WWOX: variants seen among roughly 807,000 people sequenced by gnomAD.
WWOX encodes WW domain-containing oxidoreductase.
Under a neutral mutation model 46.2 loss-of-function variants are expected in WWOX, and 69 were observed. The observed-to-expected ratio is 1.49, with a 90% CI of 1.23 to 1.82. The LOEUF is 1.82. Among genes scored for constraint, WWOX ranks in the 40% most tolerant of loss-of-function variants. The probability of loss-of-function intolerance (pLI) is 0.00; values close to 1 mark genes in which losing one functional copy is unlikely to be tolerated. For synonymous variants in WWOX, 359 were observed against 202.6 expected (o/e 1.77, Z -6.56); for missense variants, 919 against 542.6 (o/e 1.69, Z -6.89).
chr16:79,187,919 CA>C lies in WWOX; in HGVS notation c.1057-23688del, dbSNP rs774037597. ...TTCTGAGCTGTGAGTCCTTCCTGTG[CA>C]CCAGGCATGGATGGCAAGGCACGAT... On this transcript the variant is annotated intron_variant, in intron 8 of 8. Transcript: ENST00000566780. Among the ~76,000 whole-genome samples the C allele has an allele frequency of 5.1e-4, 77 of 152,326 alleles. No homozygotes were observed. The Middle Eastern group carries it at 0.014, about 27-fold the overall frequency.
intron 8 of WWOX, among the ~76,000 whole-genome samples, chr16:78,442,888 C>T (rs920849752): frequency 4.0e-5 from 6 of 151,798 alleles, no homozygotes; most frequent in African/African-American, 1.5e-4. Flanking sequence ...TTTGGGAGGC[C>T]GAGCCGGGCG....
intron 8 of WWOX, among the ~76,000 whole-genome samples, chr16:78,522,464 C>A (rs187729144): frequency 2.6e-5 from 4 of 152,302 alleles, no homozygotes; most frequent in Non-Finnish European, 5.9e-5. Flanking sequence ...GCTCTGCCTG[C>A]AGTCTCTTCC....
intron 8 of WWOX, among the ~76,000 whole-genome samples, chr16:78,628,267 G>C (rs1018900031): frequency 1.3e-5 from 2 of 152,200 alleles, no homozygotes; most frequent in Non-Finnish European, 2.9e-5. Flanking sequence ...GTCACATTGA[G>C]TGGTGCTAAT....
At chr16:78,389,956 G>C (rs1451798409) in intron 6 of WWOX, among the ~76,000 whole-genome samples, 1 of 152,068 alleles carries the variant, frequency 6.6e-6, no homozygotes, top group East Asian at 1.9e-4. Flanking sequence ...CACCATGTTG[G>C]CCAGGCTAGT....
At chr16:78,840,142 G>T (rs2052098894) in intron 8 of WWOX, among the ~76,000 whole-genome samples, 1 of 152,192 alleles carries the variant, frequency 6.6e-6, no homozygotes, top group Admixed American at 6.5e-5. Flanking sequence ...GGGAGAAACT[G>T]TTTGTGGACA....
At chr16:79,106,332 T>C (rs1447545641) in intron 8 of WWOX, among the ~76,000 whole-genome samples, 1 of 152,210 alleles carries the variant, frequency 6.6e-6, no homozygotes, top group Non-Finnish European at 1.5e-5. Flanking sequence ...CTCACTCAGT[T>C]CAGGTGAAAG....
At chr16:78,813,797 C>T (rs948316575) in intron 8 of WWOX, among the ~76,000 whole-genome samples, 1 of 152,182 alleles carries the variant, frequency 6.6e-6, no homozygotes, top group African/African-American at 2.4e-5. Context: ...ACAGATTCAG[C>T]TCATTTTATT....
chr16:79,131,060 C>CT (rs1434093758), intron 8 of WWOX, among the ~76,000 whole-genome samples: 3 of 152,156 alleles, frequency 2.0e-5, no homozygotes, highest in African/African-American at 7.2e-5. Flanking sequence ...GCAGGCTTCT[C>CT]TTTTTTTGTT....
intron 8 of WWOX, among the ~76,000 whole-genome samples, chr16:79,168,619 T>G (rs2050640615): frequency 1.3e-5 from 2 of 151,814 alleles, no homozygotes; most frequent in African/African-American, 2.4e-5. Flanking sequence ...AAGAGAGTGA[T>G]AATTATGCCA....
intron 5 of WWOX, among the ~76,000 whole-genome samples, chr16:78,356,071 T>TAAAAAAAAA (rs61113878): frequency 0.038 from 2,864 of 75,990 alleles, 431 homozygotes; most frequent in Non-Finnish European, 0.043. Context: ...TTTTTTTTCC[T>TAAAAAAAAA]AAAAAAAAAA....
intron 5 of WWOX, among the ~76,000 whole-genome samples, chr16:78,193,596 G>C (rs1218696066): frequency 5.8e-5 from 1 of 17,274 alleles, no homozygotes; most frequent in Non-Finnish European, 1.1e-4. Flanking sequence ...TTATATCATT[G>C]AAATATCATT....
At chr16:78,734,477 G>A (rs1042254333) in intron 8 of WWOX, among the ~76,000 whole-genome samples, 1 of 151,954 alleles carries the variant, frequency 6.6e-6, no homozygotes, top group Middle Eastern at 3.4e-3. Flanking sequence ...TACGGTCTGC[G>A]GGTTGACATT....
In WWOX at chr16:79,057,878, A is replaced by T. The variant is rs548538898; in HGVS notation, c.1057-153730A>T. Among the ~76,000 whole-genome samples, 485 of 152,280 alleles carry T rather than the reference A, an allele frequency of 3.2e-3. 7 individuals carry two copies. The highest frequency in any genetic ancestry group is 0.014 in the Middle Eastern group (4 of 294). ...TATCATCTGAATTATTTCCATATCC[A>T]TAATGTGCAAGGATATCCTTCCATG... On this transcript the variant is annotated intron_variant, in intron 8 of 8. Coordinates refer to ENST00000566780, the MANE Select transcript of WWOX (RefSeq NM_016373.4).
At chr16:78,623,288 G>C (rs1246408876) in intron 8 of WWOX, among the ~76,000 whole-genome samples, 1 of 152,198 alleles carries the variant, frequency 6.6e-6, no homozygotes, top group East Asian at 1.9e-4. Flanking sequence ...ATAGTAGACA[G>C]AGACTGCATC....
At chr16:78,976,015 T>C (rs1466350525) in intron 8 of WWOX, among the ~76,000 whole-genome samples, 2 of 152,208 alleles carry the variant, frequency 1.3e-5, no homozygotes, top group African/African-American at 4.8e-5. Context: ...GGAGATGCCA[T>C]GTCCTTTCAA....
chr16:78,230,393 A>G (rs2037218566), intron 5 of WWOX, among the ~76,000 whole-genome samples: 2 of 152,240 alleles, frequency 1.3e-5, no homozygotes. Flanking sequence ...GTACACAAGC[A>G]TTTGACTGTT....
rs77169118 is a variant in WWOX, at chr16:78,568,223, C to T, written c.1056+135471C>T. ...GAACAACATCGGCTGTGCATAGTAACTGCCTTGAGTGGGGCCATTTTAGAA... is the reference window on the plus strand; with the variant it reads ...GAACAACATCGGCTGTGCATAGTAATTGCCTTGAGTGGGGCCATTTTAGAA... On this transcript the variant is annotated intron_variant, in intron 8 of 8. Coordinates refer to ENST00000566780, the MANE Select transcript of WWOX (RefSeq NM_016373.4). Among the ~76,000 whole-genome samples, 219 of 152,230 alleles carry T rather than the reference C, an allele frequency of 1.4e-3. 1 individual carries two copies. Among genetic ancestry groups the T allele is most frequent in the African/African-American group, 4.9e-3 (205 of 41,548 alleles).
chr16:79,165,619 T>G (rs1439630696), intron 8 of WWOX, among the ~76,000 whole-genome samples: 1 of 152,178 alleles, frequency 6.6e-6, no homozygotes, highest in Non-Finnish European at 1.5e-5. Flanking sequence ...AGCGTGCTTC[T>G]CAGGACTCAT....
chr16:78,250,880 A>G lies in WWOX; in HGVS notation c.516+86591A>G, dbSNP rs4451966. On this transcript the variant is annotated intron_variant, in intron 5 of 8. Coordinates refer to ENST00000566780, the MANE Select transcript of WWOX (RefSeq NM_016373.4). Reference sequence around the variant, plus strand: ...TCCCCCTAACAACCTCTACCTGGCAATCTTCATTTAACTCCAAACTCAGGA... The same window carrying G: ...TCCCCCTAACAACCTCTACCTGGCAGTCTTCATTTAACTCCAAACTCAGGA... Among the ~76,000 whole-genome samples the G allele has an allele frequency of 5.5e-3, 844 of 152,218 alleles. 9 individuals carry two copies. The highest frequency in any genetic ancestry group is 0.02 in the African/African-American group (817 of 41,532).
Sources: allele counts gnomAD v4.1 joint callset (sites outside exome capture counted in the v4.1 genomes callset), GRCh38; gene constraint gnomAD v4.1.1; transcripts MANE v1.5; gene names NCBI Gene and HGNC (gene_info 2026-07-23, HGNC 2026-07-21).